Variants in HSPA2 observed in about 807,000 individuals in gnomAD.
HSPA2 encodes heat shock-related 70 kDa protein 2.
A neutral mutation model predicts 35.0 loss-of-function variants in HSPA2; 13 were observed. The observed-to-expected ratio is 0.37, with a 90% confidence interval of 0.24 to 0.59. HSPA2 has a LOEUF of 0.59. Among genes scored for constraint, HSPA2 ranks in the 20% least tolerant of loss-of-function variants. The pLI is 0.70. For synonymous variants in HSPA2, 368 were observed against 382.1 expected, an observed-to-expected ratio of 0.96 and a Z score of 0.43; for missense variants, 565 against 885.4, an observed-to-expected ratio of 0.64 and a Z score of 4.59.
chr14:64,540,511 G>C (rs762343548), upstream of HSPA2: 67 of 293,552 alleles, frequency 2.3e-4, no homozygotes, highest in Admixed American at 4.3e-4. Flanking sequence ...TGGCGGCCGA[G>C]AGTCAGGGAG....
Position 64,542,876 on chromosome 14 carries a change from A to C in HSPA2, c.*107A>C. 6.9e-7 allele frequency: 1 copy of C among 1,444,308 alleles called. No individual in the cohort carries two copies. Among genetic ancestry groups the C allele is most frequent in the Non-Finnish European group, 9.2e-7 (1 of 1,091,626 alleles). 89.5% of individuals were successfully genotyped at this position (1,444,308 alleles called of 1,614,324 possible). A position where few individuals can be genotyped will look rare whatever the true frequency, so the allele number is the denominator to read the frequency against. ...GCCAAGTACGAGATCTATTGTTGGAAGTCTTTGGTATATGCAAATGAAAGG... is the reference window on the plus strand; with the variant it reads ...GCCAAGTACGAGATCTATTGTTGGACGTCTTTGGTATATGCAAATGAAAGG... On this transcript the variant is annotated 3_prime_UTR_variant, in exon 1 of 1. Coordinates refer to ENST00000247207, the MANE Select transcript of HSPA2 (RefSeq NM_021979.4). The surrounding 1 kb of genome is among the most constrained non-coding windows in gnomAD (Gnocchi z 5.7).
At position 64,540,819 on chromosome 14, in the gene HSPA2, C is replaced by T; in HGVS notation, c.-31C>T. 1 of 1,609,048 alleles carries T rather than the reference C, an allele frequency of 6.2e-7. No homozygotes were observed. The highest frequency in any genetic ancestry group is 2.2e-5 in the East Asian group (1 of 44,816). ...CGCGGAGTTCATCTCCCTGGTTTTC[C>T]CGTCCTAACGTCGCTCGCCTTTCAG... On this transcript the variant is annotated 5_prime_UTR_variant, in exon 1 of 1. Coordinates refer to ENST00000247207, the MANE Select transcript of HSPA2 (RefSeq NM_021979.4).
rs773145998 is a variant in HSPA2 at position 64,542,725 on chromosome 14, G to A, written c.1876G>A (p.Gly626Ser). Residue 626 changes from glycine to serine, a missense_variant, in exon 1 of 1, where the codon GGT becomes AGT. Gly to Ser is a moderately conservative substitution (Grantham distance 56). Coordinates refer to ENST00000247207, the MANE Select transcript of HSPA2 (RefSeq NM_021979.4). This position sits in a 1 kb window ranked among gnomAD's most constrained non-coding sequence, Gnocchi z 5.7. Reference protein sequence around the residue: ...GGPGGGSGGGGSGASGGPTIE... With the variant: ...GGPGGGSGGGSSGASGGPTIE... Reference sequence around the variant, plus strand: ...TCCTGGCGGCGGCAGCGGCGGCGGCGGTTCAGGAGCCTCCGGGGGACCCAC... The same window carrying A: ...TCCTGGCGGCGGCAGCGGCGGCGGCAGTTCAGGAGCCTCCGGGGGACCCAC... 3.1e-6 allele frequency: 5 copies of A among 1,613,284 alleles called. No individual in the cohort carries two copies. In the South Asian group the frequency reaches 4.4e-5, roughly 14 times the overall value.
Position 64,541,779 on chromosome 14 carries a change from C to A in HSPA2, c.930C>A (p.Ala310=). 6.2e-7 allele frequency: 1 copy of A among 1,613,300 alleles called. No individual in the cohort carries two copies. The highest frequency in any genetic ancestry group is 1.3e-5 in the African/African-American group (1 of 75,064). ...ITRARFEELN[A]DLFRGTLEPV... ...GCGCCCGCTTCGAGGAGCTCAATGC[C>A]GACCTCTTTCGCGGGACCCTGGAGC... The change falls in exon 1 of 1, where the codon GCC becomes GCA. Residue 310 remains alanine (A), a synonymous_variant. Coordinates refer to ENST00000247207, the MANE Select transcript of HSPA2 (RefSeq NM_021979.4).
At chr14:64,538,533 A>C (rs1035073649), upstream of HSPA2, among the ~76,000 whole-genome samples, 1 of 151,918 alleles carries the variant, frequency 6.6e-6, no homozygotes, top group Non-Finnish European at 1.5e-5. Flanking sequence ...TGGCTTTCCT[A>C]CTCTTTGCTG....
At chr14:64,539,626 G>A (rs1458768424), upstream of HSPA2, among the ~76,000 whole-genome samples, 2 of 148,768 alleles carry the variant, frequency 1.3e-5, no homozygotes, top group African/African-American at 5.2e-5. Context: ...CGCGGCGCGG[G>A]AAAACGGTCG....
Position 64,541,467 on chromosome 14 carries a change from C to T in HSPA2, c.618C>T (p.Gly206=), listed in dbSNP as rs750766166. The part of the protein sequence containing the change: ...KNVLIFDLGG[G]TFDVSILTIE... ...TGCTCATCTTTGACCTGGGCGGTGG[C>T]ACTTTCGACGTGTCCATCCTGACCA... Residue 206 remains glycine, a synonymous_variant, in exon 1 of 1, where the codon GGC becomes GGT. Coordinates refer to ENST00000247207, the MANE Select transcript of HSPA2 (RefSeq NM_021979.4). 5.0e-6 allele frequency: 8 copies of T among 1,613,770 alleles called. No individual in the cohort carries two copies. The highest frequency in any genetic ancestry group is 6.8e-6 in the Non-Finnish European group (8 of 1,180,010).
chr14:64,540,182 G>A (rs1313663339), upstream of HSPA2: 4 of 151,990 alleles, frequency 2.6e-5, no homozygotes, highest in Non-Finnish European at 5.8e-5. Flanking sequence ...CAAGCTGCTC[G>A]AGCTTTATTT....
At chr14:64,536,039 C>T (rs2079979180), upstream of HSPA2, 2 of 152,052 alleles carry the variant, frequency 1.3e-5, no homozygotes, top group Non-Finnish European at 2.9e-5. Context: ...TTATCAGCGG[C>T]GTGAAAATGG....
At position 64,543,100 on chromosome 14, in the gene HSPA2, T is replaced by C. The variant is rs2080045588; in HGVS notation, c.*331T>C. On this transcript the variant is annotated 3_prime_UTR_variant, in exon 1 of 1. Coordinates refer to ENST00000247207, the MANE Select transcript of HSPA2 (RefSeq NM_021979.4). ...GTAGAAGCTTGGAAACAGTAAAATA[T>C]ATAGGAGCTTAAATTGTTTATTTTT... 2.2e-5 allele frequency: 8 copies of C among 365,996 alleles called. No homozygotes were observed. In the South Asian group the frequency reaches 3.0e-4, roughly 14 times the overall value. 22.7% of individuals were successfully genotyped at this position (365,996 alleles called of 1,614,324 possible). A position where few individuals can be genotyped will look rare whatever the true frequency, so the allele number is the denominator to read the frequency against.
chr14:64,540,965 C>A lies in HSPA2; in HGVS notation c.116C>A (p.Thr39Asn). 2 of 1,614,166 alleles carry A rather than the reference C, an allele frequency of 1.2e-6. No homozygotes were observed. The highest frequency in any genetic ancestry group is 1.7e-6 in the Non-Finnish European group (2 of 1,180,038). The change falls in exon 1 of 1, where the codon ACC (threonine) becomes AAC (asparagine). Residue 39 changes from threonine (T) to asparagine (N), a missense_variant. Physicochemically the swap from Thr to Asn is moderately conservative, Grantham distance 65 (BLOSUM62 0). Coordinates refer to ENST00000247207, the MANE Select transcript of HSPA2 (RefSeq NM_021979.4). ...IIANDQGNRT[T>N]PSYVAFTDTE... ...GCCAACGACCAGGGCAATCGCACCA[C>A]CCCCAGCTACGTGGCCTTCACGGAC...
At chr14:64,539,084 G>A (rs149860050), upstream of HSPA2, among the ~76,000 whole-genome samples, 2 of 152,294 alleles carry the variant, frequency 1.3e-5, no homozygotes, top group East Asian at 1.9e-4. Flanking sequence ...GAAACTACAG[G>A]CATGAGCCTC....
upstream of HSPA2, chr14:64,540,701 A>G (rs556064635): frequency 1.5e-5 from 18 of 1,237,746 alleles, no homozygotes; most frequent in African/African-American, 2.3e-4. Flanking sequence ...GGGAGTTCCC[A>G]GAGGCGGCTA....
chr14:64,540,732 C>T (rs944303804), upstream of HSPA2: 28 of 1,457,332 alleles, frequency 1.9e-5, no homozygotes, highest in Non-Finnish European at 2.5e-5. Context: ...GAACTGGGCG[C>T]GGGGAGCTGA....
chr14:64,541,286 C>T lies in HSPA2; in HGVS notation c.437C>T (p.Thr146Met). 1.2e-6 allele frequency: 2 copies of T among 1,613,784 alleles called. No individual in the cohort carries two copies. The highest frequency in any genetic ancestry group is 1.7e-6 in the Non-Finnish European group (2 of 1,180,034). Residue 146 changes from threonine to methionine, a missense_variant, in exon 1 of 1, where the codon ACG becomes ATG. Physicochemically the swap from Thr to Met is moderately conservative, Grantham distance 81. Transcript: ENST00000247207. ...GGCAAGGTGCACAGCGCGGTCATAACGGTCCCGGCCTATTTCAACGACTCG... is the reference window on the plus strand; with the variant it reads ...GGCAAGGTGCACAGCGCGGTCATAATGGTCCCGGCCTATTTCAACGACTCG... ...LGGKVHSAVI[T>M]VPAYFNDSQR... is the part of the protein sequence containing the mutation.
chr14:64,541,990 G>A lies in HSPA2; in HGVS notation c.1141G>A (p.Ala381Thr), dbSNP rs1220122749. Residue 381 changes from alanine (A) to threonine (T), a missense_variant, in exon 1 of 1, where the codon GCC becomes ACC. This residue lies in a region of HSPA2 where 234 missense variants were observed against 419.0 expected (regional missense o/e 0.56). Transcript: ENST00000247207. ...AVAYGAAVQA[A>T]ILIGDKSENV... Reference sequence around the variant, plus strand: ...GGCCTATGGCGCCGCGGTGCAGGCGGCCATCCTCATCGGCGACAAATCAGA... The same window carrying A: ...GGCCTATGGCGCCGCGGTGCAGGCGACCATCCTCATCGGCGACAAATCAGA... The A allele has an allele frequency of 1.9e-6, 3 of 1,613,528 alleles. No homozygotes were observed.
upstream of HSPA2, among the ~76,000 whole-genome samples, chr14:64,537,035 T>C (rs2079985176): frequency 3.3e-5 from 5 of 152,350 alleles, no homozygotes; most frequent in South Asian, 1.0e-3. Flanking sequence ...AGTGATTCTA[T>C]GTGAGAACTC....
In HSPA2 at chr14:64,542,965, G is replaced by C. The variant is rs922514847; in HGVS notation, c.*196G>C. 8 of 962,826 alleles carry C rather than the reference G, an allele frequency of 8.3e-6. No individual in the cohort carries two copies. Among genetic ancestry groups the C allele is most frequent in the Non-Finnish European group, 1.2e-5 (8 of 661,376 alleles). The allele number at this position is 962,826 out of a possible 1,614,324, so 59.6% of individuals were successfully genotyped here. ...AGTTTGTTTTTTAAAAACATTATTC[G>C]AGGTTTCTCTTTAATGCATTTTGCG... On this transcript the variant is annotated 3_prime_UTR_variant, in exon 1 of 1. Coordinates refer to ENST00000247207, the MANE Select transcript of HSPA2 (RefSeq NM_021979.4). This position sits in a 1 kb window ranked among gnomAD's most constrained non-coding sequence, Gnocchi z 5.7.
upstream of HSPA2, among the ~76,000 whole-genome samples, chr14:64,536,866 T>C (rs1330891819): frequency 6.6e-6 from 1 of 152,204 alleles, no homozygotes; most frequent in Non-Finnish European, 1.5e-5. Flanking sequence ...AAAATATACA[T>C]GGCTAATGAA....
Sources: gnomAD v4.1 joint callset for allele counts (sites outside exome capture counted in the v4.1 genomes callset) on GRCh38, gnomAD v4.1.1 for gene constraint, gnomAD v4.1.1 regional missense constraint, Gnocchi (gnomAD v3.1) non-coding constraint, MANE v1.5 for transcripts, NCBI Gene and HGNC (gene_info 2026-07-23, HGNC 2026-07-21) for gene names.